NPLOC4: variants seen among roughly 807,000 people sequenced by gnomAD.
The protein encoded by NPLOC4 is NPL4 homolog, ubiquitin recognition factor.
NPLOC4 carries 18 observed loss-of-function variants against 80.6 expected under a neutral mutation model. That is an observed-to-expected ratio of 0.22 (90% CI 0.15 to 0.33). The LOEUF (loss-of-function observed/expected upper bound fraction) is 0.33. Among genes scored for constraint, NPLOC4 ranks in the 10% least tolerant of loss-of-function variants. NPLOC4 has a pLI of 1.00. For synonymous variants in NPLOC4, 313 were observed against 301.5 expected, an observed-to-expected ratio of 1.04 and a Z score of -0.39; for missense variants, 540 against 786.1, an observed-to-expected ratio of 0.69 and a Z score of 3.74.
At chr17:81,616,892 G>A (rs140806674) in intron 3 of NPLOC4, among the ~76,000 whole-genome samples, 2 of 152,336 alleles carry the variant, frequency 1.3e-5, no homozygotes, top group African/African-American at 4.8e-5. Context: ...AGAAGAGGGT[G>A]AGTGACAGAG....
chr17:81,635,746 G>C (rs1382508728), intron 1 of NPLOC4, among the ~76,000 whole-genome samples: 1 of 152,082 alleles, frequency 6.6e-6, no homozygotes, highest in Non-Finnish European at 1.5e-5. Context: ...AAACTGCAGA[G>C]ACTGTCACAA....
intron 12 of NPLOC4, among the ~76,000 whole-genome samples, chr17:81,585,063 G>A (rs147732003): frequency 0.035 from 5,291 of 151,268 alleles, 146 homozygotes; most frequent in Non-Finnish European, 0.055. Flanking sequence ...CTGGCTACTC[G>A]GGAGGCTGAG....
intron 2 of NPLOC4, among the ~76,000 whole-genome samples, chr17:81,623,117 C>G (rs1386955306): frequency 2.7e-5 from 4 of 148,052 alleles, no homozygotes; most frequent in Non-Finnish European, 6.0e-5. Flanking sequence ...TCACTTGAAG[C>G]TGGGAGGCAG....
intron 10 of NPLOC4, among the ~76,000 whole-genome samples, chr17:81,596,902 C>T (rs1173969189): frequency 1.3e-5 from 2 of 152,076 alleles, no homozygotes; most frequent in East Asian, 1.9e-4. Context: ...ATCACAAGGT[C>T]GAGATCAAGA....
Position 81,557,578 on chromosome 17 carries a change from G to A in NPLOC4, c.*1681C>T, listed in dbSNP as rs2033682483. On this transcript the variant is annotated 3_prime_UTR_variant, in exon 17 of 17. Transcript: ENST00000331134. ...GGCCTTGGACTCACAGGGAAGCAAT[G>A]CAGGAAGCCTTGGCCACCTAGGCTC... is the stretch of plus-strand genomic sequence containing the variant. The A allele has an allele frequency of 6.6e-6, 1 of 152,320 alleles. No individual in the cohort carries two copies. Among genetic ancestry groups the A allele is most frequent in the Non-Finnish European group, 1.5e-5 (1 of 68,124 alleles). 9.4% of individuals were successfully genotyped at this position (152,320 alleles called of 1,614,324 possible).
At chr17:81,616,662 G>A (rs528985473) in intron 3 of NPLOC4, among the ~76,000 whole-genome samples, 74 of 151,914 alleles carry the variant, frequency 4.9e-4, no homozygotes, top group African/African-American at 1.6e-3. Flanking sequence ...CCCAGGGGGC[G>A]GAGCTTGCAG....
intron 11 of NPLOC4, 50 bp from the exon 12 acceptor site, chr17:81,589,154 C>G (rs1450078483): frequency 2.7e-6 from 4 of 1,506,054 alleles, no homozygotes; most frequent in Non-Finnish European, 3.6e-6. Context: ...CATTCAAAAC[C>G]AGTCCATATC....
intron 16 of NPLOC4, chr17:81,563,935 G>A (rs973252693): frequency 4.4e-5 from 20 of 454,682 alleles, no homozygotes; most frequent in Middle Eastern, 3.2e-4. Context: ...AGATGGCAAC[G>A]CCAGGTGTGG....
intron 1 of NPLOC4, among the ~76,000 whole-genome samples, chr17:81,630,530 T>C (rs1030483268): frequency 6.6e-6 from 1 of 152,052 alleles, no homozygotes; most frequent in African/African-American, 2.4e-5. Context: ...ATCCTGCCAC[T>C]GTGCTGGGAT....
chr17:81,579,270 T>C (rs2034376125), intron 12 of NPLOC4, among the ~76,000 whole-genome samples: 1 of 152,130 alleles, frequency 6.6e-6, no homozygotes, highest in South Asian at 2.1e-4. Context: ...CCCAAGTACC[T>C]GGGAAGCTGT....
intron 11 of NPLOC4, among the ~76,000 whole-genome samples, chr17:81,591,059 G>A (rs528284259): frequency 6.6e-6 from 1 of 152,290 alleles, no homozygotes; most frequent in East Asian, 1.9e-4. Context: ...CTGAAAGAAT[G>A]CAGGGCTCAG....
chr17:81,581,409 A>G (rs72855665), intron 12 of NPLOC4, among the ~76,000 whole-genome samples: 15,758 of 139,144 alleles, frequency 0.11, 1,604 homozygotes, highest in Admixed American at 0.19. Flanking sequence ...AAAAGAACTG[A>G]AAGCCAGCCC....
At chr17:81,628,895 T>TC (rs1266244050) in intron 2 of NPLOC4, among the ~76,000 whole-genome samples, 2 of 151,798 alleles carry the variant, frequency 1.3e-5, no homozygotes, top group Non-Finnish European at 2.9e-5. Context: ...TTTTTTTTTT[T>TC]TTTGAGACAG....
chr17:81,588,802 A>T lies in NPLOC4; in HGVS notation c.1281+142T>A, dbSNP rs2034658354. On this transcript the variant is annotated intron_variant, in intron 12 of 16. Transcript: ENST00000331134. ...GCGAATATCCAGCCCCAGAAACGTG[A>T]CAGAAGCCTTTAGTGACAAGCAGGG... 3 of 678,214 alleles carry T rather than the reference A, an allele frequency of 4.4e-6. No homozygotes were observed. In the East Asian group the frequency reaches 8.1e-5, roughly 18 times the overall value. 42.0% of individuals were successfully genotyped at this position (678,214 alleles called of 1,614,324 possible). A position where few individuals can be genotyped will look rare whatever the true frequency, so the allele number is the denominator to read the frequency against.
chr17:81,591,920 T>C (rs1198762568), intron 11 of NPLOC4, among the ~76,000 whole-genome samples: 2 of 152,232 alleles, frequency 1.3e-5, no homozygotes, highest in Non-Finnish European at 2.9e-5. Flanking sequence ...TATGCTAGAC[T>C]ATGAGGACAC....
intron 8 of NPLOC4, among the ~76,000 whole-genome samples, chr17:81,603,364 G>A (rs1413904256): frequency 1.3e-5 from 2 of 152,108 alleles, no homozygotes; most frequent in African/African-American, 2.4e-5. Flanking sequence ...AGGAGGCCAA[G>A]ATGTGAGGGT....
chr17:81,565,731 G>C (rs2033990992), intron 15 of NPLOC4, 124 bp from the exon 16 acceptor site: 1 of 705,708 alleles, frequency 1.4e-6, no homozygotes, highest in African/African-American at 1.8e-5. Flanking sequence ...AAATCTTACA[G>C]GCTATCACTA....
intron 9 of NPLOC4, 42 bp from the exon 10 acceptor site, chr17:81,597,358 A>T: frequency 6.6e-7 from 1 of 1,510,130 alleles, no homozygotes; most frequent in Non-Finnish European, 9.2e-7. Flanking sequence ...TCCTCAAGAT[A>T]GACGATGAAT....
chr17:81,600,496 C>A, intron 8 of NPLOC4, 69 bp from the exon 9 acceptor site: 1 of 1,197,942 alleles, frequency 8.3e-7, no homozygotes, highest in South Asian at 1.3e-5. Context: ...CCAAGCCCTT[C>A]CACTTCCAGC....
Sources: allele counts gnomAD v4.1 joint callset (sites outside exome capture counted in the v4.1 genomes callset), GRCh38; gene constraint gnomAD v4.1.1; transcripts MANE v1.5; gene names NCBI Gene and HGNC (gene_info 2026-07-23, HGNC 2026-07-21).